Variants in PGR observed in about 807,000 individuals in gnomAD.
The protein encoded by PGR is progesterone receptor.
In PGR, 25 loss-of-function variants were observed where a neutral mutation model predicts 76.1. That is an observed-to-expected ratio of 0.33 (90% CI 0.24 to 0.46). PGR has a LOEUF of 0.46. Ranked by LOEUF, PGR falls within the 20% of genes least tolerant of loss-of-function variation. The pLI, the probability that PGR is intolerant of heterozygous loss-of-function variation, is 1.00. For missense variants in PGR, 1,172 were observed against 1,225.3 expected (o/e 0.96, Z 0.65); for synonymous variants, 579 against 535.0 (o/e 1.08, Z -1.14).
chr11:101,055,414 C>CACA (rs1860254587), intron 4 of PGR, among the ~76,000 whole-genome samples: 1 of 65,040 alleles, frequency 1.5e-5, no homozygotes, highest in Non-Finnish European at 2.6e-5. Flanking sequence ...GACTCCATCT[C>CACA]AAAAAAAAAA....
At chr11:101,085,330 G>A (rs901972886) in intron 3 of PGR, among the ~76,000 whole-genome samples, 1 of 150,874 alleles carries the variant, frequency 6.6e-6, no homozygotes. Context: ...AGTTTGCTCT[G>A]GATAACTTTG....
chr11:101,079,463 C>T (rs1195270770), intron 3 of PGR, among the ~76,000 whole-genome samples: 2 of 150,148 alleles, frequency 1.3e-5, no homozygotes, highest in Non-Finnish European at 3.0e-5. Context: ...GCAAAATGAA[C>T]AGAAATTTCT....
In PGR at chr11:101,037,377, A is replaced by G. The variant is rs550450574; in HGVS notation, c.*1739T>C. The G allele has an allele frequency of 4.6e-6, 1 of 217,050 alleles. No individual in the cohort carries two copies. The highest frequency in any genetic ancestry group is 6.9e-5 in the East Asian group (1 of 14,556). 13.4% of individuals were successfully genotyped at this position (217,050 alleles called of 1,614,324 possible). A position where few individuals can be genotyped will look rare whatever the true frequency, so the allele number is the denominator to read the frequency against. On this transcript the variant is annotated 3_prime_UTR_variant, in exon 8 of 8. Transcript: ENST00000325455. ...TGTCTTTCTTCAGCTCCAAATTCTCATAAGGCTTATTAGCACATTTTTCTT... is the reference window on the plus strand; with the variant it reads ...TGTCTTTCTTCAGCTCCAAATTCTCGTAAGGCTTATTAGCACATTTTTCTT...
At chr11:101,050,645 G>A (rs149157356) in intron 5 of PGR, among the ~76,000 whole-genome samples, 334 of 152,202 alleles carry the variant, frequency 2.2e-3, no homozygotes, top group Non-Finnish European at 4.0e-3. Context: ...TCCCAACCTT[G>A]TGTTGTTTTA....
rs11437764 is a variant in PGR at position 101,129,107 on chromosome 11, A to AG, written c.-38dup. On this transcript the variant is annotated 5_prime_UTR_variant, in exon 1 of 8. Coordinates refer to ENST00000325455, the MANE Select transcript of PGR (RefSeq NM_000926.4). Reference sequence around the variant, plus strand: ...TCCCCTTTTCTCCTCCCCCGTCTCCAGGAGGAGGGAAAAGGGAAGGAGGAG... The same window carrying AG: ...TCCCCTTTTCTCCTCCCCCGTCTCCAGGGAGGAGGGAAAAGGGAAGGAGGAG... The AG allele has an allele frequency of 1, 1,485,921 of 1,486,054 alleles. 742,896 individuals are homozygous for AG. The highest frequency in any genetic ancestry group is 1 in the Middle Eastern group (5,442 of 5,442). 92.1% of individuals were successfully genotyped at this position (1,486,054 alleles called of 1,614,324 possible).
At chr11:101,098,708 GA>G (rs1861911368) in intron 2 of PGR, among the ~76,000 whole-genome samples, 1 of 152,134 alleles carries the variant, frequency 6.6e-6, no homozygotes, top group Non-Finnish European at 1.5e-5. Context: ...TAAAAGATAA[GA>G]AATGGGGTTT....
At chr11:101,077,060 T>G (rs1861153747) in intron 3 of PGR, among the ~76,000 whole-genome samples, 1 of 151,872 alleles carries the variant, frequency 6.6e-6, no homozygotes, top group African/African-American at 2.4e-5. Flanking sequence ...TTTCTATTAA[T>G]TCAGAAGTTT....
At chr11:101,067,782 C>G (rs1860772188) in intron 3 of PGR, among the ~76,000 whole-genome samples, 1 of 151,528 alleles carries the variant, frequency 6.6e-6, no homozygotes, top group South Asian at 2.1e-4. Context: ...AAAAACAAAC[C>G]AGAATAATAC....
At chr11:101,127,411 C>A in intron 1 of PGR, 23 bp downstream of exon 1, 1 of 1,512,976 alleles carries the variant, frequency 6.6e-7, no homozygotes, top group East Asian at 2.7e-5. Flanking sequence ...ACGCGCTGGG[C>A]GTGCCCCGTC....
rs1403305462 is a variant in PGR, at chr11:101,031,319, G to A, written c.*7797C>T. 4.5e-6 allele frequency: 1 copy of A among 223,536 alleles called. No individual in the cohort carries two copies. Among genetic ancestry groups the A allele is most frequent in the Non-Finnish European group, 8.9e-6 (1 of 111,902 alleles). The allele number at this position is 223,536 out of a possible 1,614,324, so 13.8% of individuals were successfully genotyped here. A position where few individuals can be genotyped will look rare whatever the true frequency, so the allele number is the denominator to read the frequency against. On this transcript the variant is annotated 3_prime_UTR_variant, in exon 8 of 8. Coordinates refer to ENST00000325455, the MANE Select transcript of PGR (RefSeq NM_000926.4). The stretch of plus-strand genomic sequence containing the variant: ...CAAGGGACTGGTGTATGGCCAGTGA[G>A]GACCTGGAGAAAGAAACCTCCTTCC...
intron 4 of PGR, among the ~76,000 whole-genome samples, chr11:101,052,715 GAAGT>G (rs1168185896): frequency 6.6e-6 from 1 of 152,126 alleles, no homozygotes; most frequent in Non-Finnish European, 1.5e-5. Flanking sequence ...ATAAAAGCCT[GAAGT>G]AAGTCAAGTC....
intron 3 of PGR, among the ~76,000 whole-genome samples, chr11:101,072,610 CAAAAT>C (rs1326211352): frequency 6.6e-6 from 1 of 151,970 alleles, no homozygotes; most frequent in East Asian, 1.9e-4. Flanking sequence ...ACAATATGCT[CAAAAT>C]AAAGGGATGG....
chr11:101,093,255 C>T (rs1861728722), intron 2 of PGR, among the ~76,000 whole-genome samples: 1 of 152,048 alleles, frequency 6.6e-6, no homozygotes, highest in Admixed American at 6.6e-5. Flanking sequence ...GCACATAGTG[C>T]CAGTCCTACA....
intron 3 of PGR, among the ~76,000 whole-genome samples, chr11:101,079,137 C>T (rs897692748): frequency 6.6e-6 from 1 of 151,914 alleles, no homozygotes; most frequent in African/African-American, 2.4e-5. Flanking sequence ...AAATCAAAAT[C>T]GATTAAAGAC....
chr11:101,081,953 G>T (rs1417859099), intron 3 of PGR, among the ~76,000 whole-genome samples: 2 of 152,158 alleles, frequency 1.3e-5, no homozygotes, highest in African/African-American at 4.8e-5. Flanking sequence ...ATATGGTTTG[G>T]TTCTGTGTCC....
At chr11:101,117,825 T>C (rs1862557893) in intron 2 of PGR, among the ~76,000 whole-genome samples, 1 of 152,202 alleles carries the variant, frequency 6.6e-6, no homozygotes, top group African/African-American at 2.4e-5. Context: ...CTACTATTAA[T>C]TGGGGTAAGT....
At chr11:101,122,485 G>T (rs1473316834) in intron 2 of PGR, among the ~76,000 whole-genome samples, 1 of 152,158 alleles carries the variant, frequency 6.6e-6, no homozygotes, top group Non-Finnish European at 1.5e-5. Flanking sequence ...TTAGTAGTCT[G>T]CATTTGTAGG....
Position 101,128,960 on chromosome 11 carries a change from C to G in PGR, c.111G>C (p.Pro37=). 8 of 1,606,558 alleles carry G rather than the reference C, an allele frequency of 5.0e-6. No individual in the cohort carries two copies. Among genetic ancestry groups the G allele is most frequent in the Non-Finnish European group, 6.8e-6 (8 of 1,175,492 alleles). ...LLCRPAAGPF[P]GSQTSDTLPE... ...GCAAGGTGTCCGAGGTCTGGCTCCC[C>G]GGGAACGGACCTGCGGCTGGGCGAC... is the stretch of plus-strand genomic sequence containing the variant. The change falls in exon 1 of 8, where the codon CCG becomes CCC. Residue 37 remains proline, a synonymous_variant. Transcript: ENST00000325455.
chr11:101,062,189 C>G (rs1860526459), intron 4 of PGR, among the ~76,000 whole-genome samples: 1 of 152,090 alleles, frequency 6.6e-6, no homozygotes. Context: ...TAAACCTAAG[C>G]TATTTCTTAT....
Sources: gnomAD v4.1 joint callset for allele counts (sites outside exome capture counted in the v4.1 genomes callset) on GRCh38, gnomAD v4.1.1 for gene constraint, MANE v1.5 for transcripts, NCBI Gene and HGNC (gene_info 2026-07-23, HGNC 2026-07-21) for gene names.